GPR179: variants seen among roughly 807,000 people sequenced by gnomAD.
The protein encoded by GPR179 is probable G protein-coupled receptor 179.
Under a neutral mutation model 70.8 loss-of-function variants are expected in GPR179, and 52 were observed. The ratio of observed to expected loss-of-function variants is 0.73; its 90% confidence interval spans 0.59 to 0.93. The LOEUF is 0.93. GPR179 is among the 40% of genes least tolerant of loss of function. The pLI, the probability that GPR179 is intolerant of heterozygous loss-of-function variation, is 0.00. For missense variants in GPR179, 2,734 were observed against 2,966.8 expected, an observed-to-expected ratio of 0.92 and a Z score of 1.82; for synonymous variants, 1,123 against 1,169.0, an observed-to-expected ratio of 0.96 and a Z score of 0.80.
At position 38,334,855 on chromosome 17, in the gene GPR179, A is replaced by T. The variant is rs1332654554; in HGVS notation, c.1646-13T>A. The T allele has an allele frequency of 6.2e-7, 1 of 1,609,678 alleles. No homozygotes were observed. Among genetic ancestry groups the T allele is most frequent in the Non-Finnish European group, 8.5e-7 (1 of 1,178,810 alleles). Reference sequence around the variant, plus strand: ...AGCAGCAGCTCAGCTGTGGGGAGACAGGGAGGGAGAGAGCCGGCACCACCT... The same window carrying T: ...AGCAGCAGCTCAGCTGTGGGGAGACTGGGAGGGAGAGAGCCGGCACCACCT... On this transcript the variant is annotated splice_polypyrimidine_tract_variant and intron_variant, in intron 7 of 10. Coordinates refer to ENST00000616987, the MANE Select transcript of GPR179 (RefSeq NM_001004334.4). The surrounding 1 kb of genome is among the most constrained non-coding windows in gnomAD (Gnocchi z 4.7).
At position 38,330,497 on chromosome 17, in the gene GPR179, T is replaced by G; in HGVS notation, c.3072A>C (p.Pro1024=). 6.4e-7 allele frequency: 1 copy of G among 1,552,956 alleles called. No individual in the cohort carries two copies. Among genetic ancestry groups the G allele is most frequent in the Non-Finnish European group, 8.7e-7 (1 of 1,149,364 alleles). Residue 1024 remains proline (P), a synonymous_variant, in exon 11 of 11, where the codon CCA becomes CCC. Transcript: ENST00000616987. ...GPERGHHSPA[P]ARARLWRALS... is the part of the protein sequence containing the mutation. ...GGGCCCTCCAGAGCCTGGCTCGAGCTGGGGCAGGGGAGTGGTGGCCTCGCT... is the reference window on the plus strand; with the variant it reads ...GGGCCCTCCAGAGCCTGGCTCGAGCGGGGGCAGGGGAGTGGTGGCCTCGCT...
Position 38,343,392 on chromosome 17 carries a change from A to G in GPR179, c.398T>C (p.Leu133Pro). 2 of 1,614,168 alleles carry G rather than the reference A, an allele frequency of 1.2e-6. No homozygotes were observed. The highest frequency in any genetic ancestry group is 1.7e-6 in the Non-Finnish European group (2 of 1,180,034). ...GTCCCCCTCGGCCACGCTGCGGACC[A>G]GTGCCTGGTACCATTCCACATCCTC... Reference protein sequence around the residue: ...VEEDVEWYQALVRSVAEGDPR... With the variant: ...VEEDVEWYQAPVRSVAEGDPR... Residue 133 changes from leucine to proline, a missense_variant, in exon 1 of 11, where the codon CTG becomes CCG. Leu to Pro is a moderately conservative substitution (Grantham distance 98). Transcript: ENST00000616987. The surrounding 1 kb of genome is among the most constrained non-coding windows in gnomAD (Gnocchi z 4.2).
chr17:38,331,682 T>A (rs1457790002), intron 10 of GPR179, 151 bp from the exon 11 acceptor site: 2 of 1,409,118 alleles, frequency 1.4e-6, no homozygotes, highest in African/African-American at 2.9e-5. Flanking sequence ...CTCTCGTAAT[T>A]CACCTCTTTG....
Position 38,327,023 on chromosome 17 carries a change from G to GA in GPR179, c.6545dup (p.Cys2183LeufsTer51). On this transcript the variant is annotated frameshift_variant, in exon 11 of 11. Coordinates refer to ENST00000616987, the MANE Select transcript of GPR179 (RefSeq NM_001004334.4). LOFTEE classifies it low-confidence loss of function (END_TRUNC). ...CTGAGCCTGTGCCTTCCCCAGGGCA[G>GA]ACTGCCTCCTGCTCTCTGGGCTTTG... The GA allele has an allele frequency of 6.2e-7, 1 of 1,614,220 alleles. No homozygotes were observed. Among genetic ancestry groups the GA allele is most frequent in the Non-Finnish European group, 8.5e-7 (1 of 1,180,042 alleles).
In GPR179 at chr17:38,330,359, A is replaced by G. The variant is rs1480051718; in HGVS notation, c.3210T>C (p.Pro1070=). ...CAGGGGCCTTGAGGCTGTGGGATTT[A>G]GGGAAGATCTTGGGCCTGTCTTCGT... ...DVDEDRPKIF[P]KSHSLKAPVQ... is the part of the protein sequence containing the mutation. The change falls in exon 11 of 11, where the codon CCT becomes CCC. Residue 1070 remains proline, a synonymous_variant. Transcript: ENST00000616987. 1 of 1,613,920 alleles carries G rather than the reference A, an allele frequency of 6.2e-7. No individual in the cohort carries two copies. Among genetic ancestry groups the G allele is most frequent in the Admixed American group, 1.7e-5 (1 of 59,996 alleles).
intron 10 of GPR179, 140 bp downstream of exon 10, chr17:38,333,111 G>A: frequency 1.4e-6 from 1 of 716,736 alleles, no homozygotes; most frequent in Non-Finnish European, 2.4e-6. Context: ...ATCAGTTTAG[G>A]CCAGTGGAGA....
In GPR179 at chr17:38,333,327, T is replaced by C; in HGVS notation, c.1961A>G (p.Gln654Arg). 6.2e-7 allele frequency: 1 copy of C among 1,614,030 alleles called. No homozygotes were observed. The highest frequency in any genetic ancestry group is 8.5e-7 in the Non-Finnish European group (1 of 1,179,938). Reference sequence around the variant, plus strand: ...GCTGCCAAGGTAGGAGCCTGAGTGCTGCAGGTCCAGCTCGTCCTCACACAC... The same window carrying C: ...GCTGCCAAGGTAGGAGCCTGAGTGCCGCAGGTCCAGCTCGTCCTCACACAC... ...DEVCEDELDL[Q>R]HSGSYLGSSI... The change falls in exon 10 of 11, where the codon CAG becomes CGG. Residue 654 changes from glutamine (Q) to arginine (R), a missense_variant. Physicochemically the swap from Gln to Arg is conservative, Grantham distance 43 (BLOSUM62 1). Transcript: ENST00000616987.
chr17:38,337,693 C>T lies in GPR179; in HGVS notation c.931G>A (p.Val311Ile). Residue 311 changes from valine to isoleucine, a missense_variant, in exon 3 of 11, where the codon GTT (valine) becomes ATT (isoleucine). Val to Ile is a conservative substitution (Grantham distance 29). Transcript: ENST00000616987. ...QCVPLESQGFVLGRYLCRCRP... is the reference protein window; with the variant it reads ...QCVPLESQGFILGRYLCRCRP... Reference sequence around the variant, plus strand: ...CAGCGGCAGAGGTAGCGGCCAAGAACAAAGCCCTGACTCTCCAGGGGGACA... The same window carrying T: ...CAGCGGCAGAGGTAGCGGCCAAGAATAAAGCCCTGACTCTCCAGGGGGACA... 1 of 1,613,848 alleles carries T rather than the reference C, an allele frequency of 6.2e-7. No individual in the cohort carries two copies.
Position 38,327,206 on chromosome 17 carries a change from C to A in GPR179, c.6363G>T (p.Glu2121Asp). ...VAEVCLWEVVEAPSAKKAEIC... is the reference protein window; with the variant it reads ...VAEVCLWEVVDAPSAKKAEIC... ...TCTCTGCTTTCTTGGCAGAGGGAGC[C>A]TCTACCACTTCCCACAGACACACTT... The change falls in exon 11 of 11, where the codon GAG (glutamate) becomes GAT (aspartate). Residue 2121 changes from glutamate (E) to aspartate (D), a missense_variant. By Grantham distance (45) the Glu-to-Asp change is conservative. Transcript: ENST00000616987. 6.2e-7 allele frequency: 1 copy of A among 1,614,240 alleles called. No homozygotes were observed. Among genetic ancestry groups the A allele is most frequent in the South Asian group, 1.1e-5 (1 of 91,086 alleles).
Position 38,343,560 on chromosome 17 carries a change from C to G in GPR179, c.230G>C (p.Ser77Thr). Residue 77 changes from serine (S) to threonine (T), a missense_variant, in exon 1 of 11, where the codon AGT becomes ACT. Physicochemically the swap from Ser to Thr is moderately conservative, Grantham distance 58. Coordinates refer to ENST00000616987, the MANE Select transcript of GPR179 (RefSeq NM_001004334.4). This position sits in a 1 kb window ranked among gnomAD's most constrained non-coding sequence, Gnocchi z 4.2. Reference sequence around the variant, plus strand: ...TGCCCCACGCGCTTCATAGCGCTCACTGCAATTCACCTGTGATAGCTGCTG... The same window carrying G: ...TGCCCCACGCGCTTCATAGCGCTCAGTGCAATTCACCTGTGATAGCTGCTG... ...DAQQLSQVNC[S>T]ERYEARGAGA... The G allele has an allele frequency of 6.2e-7, 1 of 1,613,816 alleles. No homozygotes were observed. Among genetic ancestry groups the G allele is most frequent in the Non-Finnish European group, 8.5e-7 (1 of 1,180,020 alleles).
Position 38,329,742 on chromosome 17 carries a change from G to A in GPR179, c.3827C>T (p.Ser1276Leu), listed in dbSNP as rs1187854272. 9 of 1,613,922 alleles carry A rather than the reference G, an allele frequency of 5.6e-6. No homozygotes were observed. The highest frequency in any genetic ancestry group is 1.7e-5 in the Admixed American group (1 of 59,994). Residue 1276 changes from serine (S) to leucine (L), a missense_variant, in exon 11 of 11, where the codon TCG becomes TTG. Coordinates refer to ENST00000616987, the MANE Select transcript of GPR179 (RefSeq NM_001004334.4). ...PWETSEGAPESRALRQDPGDS... is the reference protein window; with the variant it reads ...PWETSEGAPELRALRQDPGDS... ...ACCTGGGTCTTGTCTTAGTGCCCTC[G>A]ACTCTGGGGCTCCTTCACTCGTCTC...
At chr17:38,337,554 T>G in intron 3 of GPR179, 79 bp downstream of exon 3, 1 of 1,261,392 alleles carries the variant, frequency 7.9e-7, no homozygotes, top group Non-Finnish European at 1.1e-6. Context: ...CACCCCAATC[T>G]GGCTTTCTTC....
rs80149976 is a variant in GPR179, at chr17:38,331,257, G to A, written c.2312C>T (p.Ser771Phe). The change falls in exon 11 of 11, where the codon TCC (serine) becomes TTC (phenylalanine). Residue 771 changes from serine (S) to phenylalanine (F), a missense_variant. Ser to Phe is a radical substitution (Grantham distance 155). Transcript: ENST00000616987. The stretch of plus-strand genomic sequence containing the variant: ...CCTGCGCTGGTCATAGGTGCTGCGG[G>A]ACTTGTGCAGAGCTGGTGTCCCCTC... ...EPEGTPALHKSRSTYDQRREQ... is the reference protein window; with the variant it reads ...EPEGTPALHKFRSTYDQRREQ... The A allele has an allele frequency of 4.8e-5, 77 of 1,589,406 alleles. No homozygotes were observed. The highest frequency in any genetic ancestry group is 6.4e-5 in the Non-Finnish European group (75 of 1,168,678).
At position 38,326,663 on chromosome 17, in the gene GPR179, A is replaced by G. The variant is rs995379277; in HGVS notation, c.6906T>C (p.Ser2302=). ...CTCTGACACCTTCTAGAGTGAAAGT[A>G]CTGGCTGGCCTGCTTACCTTGGGGC... The part of the protein sequence containing the change: ...IPCPKVSRPA[S]TFTLEGVREL... The change falls in exon 11 of 11, where the codon AGT becomes AGC. Residue 2302 remains serine (S), a synonymous_variant. Transcript: ENST00000616987. 1.2e-6 allele frequency: 2 copies of G among 1,614,198 alleles called. No homozygotes were observed. Among genetic ancestry groups the G allele is most frequent in the Non-Finnish European group, 1.7e-6 (2 of 1,180,026 alleles).
rs377145872 is a variant in GPR179 at position 38,331,360 on chromosome 17, C to G, written c.2209G>C (p.Asp737His). 10 of 1,613,086 alleles carry G rather than the reference C, an allele frequency of 6.2e-6. No individual in the cohort carries two copies. The African/African-American group carries it at 1.3e-4, about 21-fold the overall frequency. The change falls in exon 11 of 11, where the codon GAC becomes CAC. Residue 737 changes from aspartate (D) to histidine (H), a missense_variant. Asp to His is a moderately conservative substitution (Grantham distance 81, BLOSUM62 -1). Transcript: ENST00000616987. ...PEALARQHSR[D>H]SGSPGHGSLP... ...CTGCCGTGGCCTGGGGATCCTGAGT[C>G]CCGGGAGTGCTGCCTGGCCAGGGCC...
Position 38,343,530 on chromosome 17 carries a change from G to A in GPR179, c.260C>T (p.Ala87Val), listed in dbSNP as rs766904818. ...TAGGCTTGGGGGGAGCCCTGGCATG[G>A]CTCCTGCCCCACGCGCTTCATAGCG... ...SERYEARGAG[A>V]MPGLPPSLQG... The change falls in exon 1 of 11, where the codon GCC becomes GTC. Residue 87 changes from alanine to valine, a missense_variant. By Grantham distance (64) the Ala-to-Val change is moderately conservative. Coordinates refer to ENST00000616987, the MANE Select transcript of GPR179 (RefSeq NM_001004334.4). This position sits in a 1 kb window ranked among gnomAD's most constrained non-coding sequence, Gnocchi z 4.2. 6.2e-7 allele frequency: 1 copy of A among 1,613,754 alleles called. No homozygotes were observed. The highest frequency in any genetic ancestry group is 2.2e-5 in the East Asian group (1 of 44,874).
Position 38,334,366 on chromosome 17 carries a change from C to T in GPR179, c.1785-328G>A, listed in dbSNP as rs1289692971. Among the ~76,000 whole-genome samples the T allele has an allele frequency of 1.3e-5, 2 of 152,160 alleles. No individual in the cohort carries two copies. The highest frequency in any genetic ancestry group is 2.9e-5 in the Non-Finnish European group (2 of 68,024). ...TATGGACAAACAGCAGCCTGCTGCTCTTATGGCTGAGGAGTGAGGGGAGAA... is the reference window on the plus strand; with the variant it reads ...TATGGACAAACAGCAGCCTGCTGCTTTTATGGCTGAGGAGTGAGGGGAGAA... On this transcript the variant is annotated intron_variant, in intron 8 of 10. Transcript: ENST00000616987. This position sits in a 1 kb window ranked among gnomAD's most constrained non-coding sequence, Gnocchi z 4.7.
rs139390296 is a variant in GPR179, at chr17:38,327,454, C to T, written c.6115G>A (p.Gly2039Arg). The change falls in exon 11 of 11, where the codon GGG (glycine) becomes AGG (arginine). Residue 2039 changes from glycine (G) to arginine (R), a missense_variant. By Grantham distance (125) the Gly-to-Arg change is moderately radical. Coordinates refer to ENST00000616987, the MANE Select transcript of GPR179 (RefSeq NM_001004334.4). ...VKGVSRQDGK[G>R]DSQEEKGRAP... ...CTGCCTTTCTCTTCTTGAGAGTCCC[C>T]TTTTCCATCCTGCCTTGACACCCCT... 1 of 1,614,110 alleles carries T rather than the reference C, an allele frequency of 6.2e-7. No homozygotes were observed. The highest frequency in any genetic ancestry group is 1.3e-5 in the African/African-American group (1 of 74,928).
At position 38,336,200 on chromosome 17, in the gene GPR179, T is replaced by C. The variant is rs1298829441; in HGVS notation, c.1228-56A>G. 24 of 1,207,208 alleles carry C rather than the reference T, an allele frequency of 2.0e-5. No homozygotes were observed. In the East Asian group the frequency reaches 5.6e-4, roughly 28 times the overall value. The allele number at this position is 1,207,208 out of a possible 1,614,324, so 74.8% of individuals were successfully genotyped here. On this transcript the variant is annotated intron_variant, in intron 4 of 10. Transcript: ENST00000616987. ...GAGTCTGGACGATGGTTCTAGAGGC[T>C]CTCAGGCCTATGTGAACGGTCACTC...
Sources: gnomAD v4.1 joint callset for allele counts (sites outside exome capture counted in the v4.1 genomes callset) on GRCh38, gnomAD v4.1.1 for gene constraint, Gnocchi (gnomAD v3.1) non-coding constraint, MANE v1.5 for transcripts, NCBI Gene and HGNC (gene_info 2026-07-23, HGNC 2026-07-21) for gene names.